MYL3: variants seen among roughly 807,000 people sequenced by gnomAD.
The protein encoded by MYL3 is myosin light chain 3, also known as CMLC1.
MYL3 carries 11 observed loss-of-function variants against 21.3 expected under a neutral mutation model. The observed-to-expected ratio is 0.52, with a 90% CI of 0.32 to 0.85. The LOEUF is 0.85. MYL3 is among the 40% of genes least tolerant of loss of function. The pLI is 0.03. For missense variants in MYL3, 206 were observed against 253.3 expected (o/e 0.81, Z 1.27); for synonymous variants, 88 against 91.6 (o/e 0.96, Z 0.22).
chr3:46,877,911 G>A (rs1358295543), intron 1 of MYL3: 2 of 152,298 alleles, frequency 1.3e-5, no homozygotes, highest in Non-Finnish European at 2.9e-5. Flanking sequence ...TGGTTTCCCT[G>A]GGGGTGAGTG....
upstream of MYL3, among the ~76,000 whole-genome samples, chr3:46,864,123 G>A (rs144194891): frequency 1.1e-3 from 168 of 152,004 alleles, 2 homozygotes; most frequent in African/African-American, 3.2e-3. This position sits in a 1 kb window ranked among gnomAD's most constrained non-coding sequence, Gnocchi z 4.7. Flanking sequence ...GGGATGGCCC[G>A]GGTGTCTGCA....
At chr3:46,863,520 T>C (rs1702014457), upstream of MYL3, 7 of 975,458 alleles carry the variant, frequency 7.2e-6, no homozygotes, top group Middle Eastern at 2.4e-4. Context: ...CAGTGCACAA[T>C]AGGGACAGGG....
chr3:46,863,069 G>T lies in MYL3; in HGVS notation c.129+193C>A, dbSNP rs28763895. Among the ~76,000 whole-genome samples the T allele has an allele frequency of 0.023, 3,523 of 152,312 alleles. 131 individuals are homozygous for T. The highest frequency in any genetic ancestry group is 0.079 in the African/African-American group (3,283 of 41,552). On this transcript the variant is annotated intron_variant, in intron 1 of 6. Coordinates refer to ENST00000292327, the MANE Select transcript of MYL3 (RefSeq NM_000258.3). The stretch of plus-strand genomic sequence containing the variant: ...CAGCACCAGAGGAGTCCTGCAGAAC[G>T]TCTGACCACCATCCCTCCTGCTGCA...
chr3:46,874,383 A>G lies in MYL3; in HGVS notation c.-218+7691T>C, dbSNP rs932018272. 6.6e-6 allele frequency among the ~76,000 whole-genome samples: 1 copy of G among 152,094 alleles called. No homozygotes were observed. Among genetic ancestry groups the G allele is most frequent in the African/African-American group, 2.4e-5 (1 of 41,412 alleles). Reference sequence around the variant, plus strand: ...GAGATTTGGCAAGGCACGACAAAGGACCACCCACATAGAGGGTTCCTCCAG... The same window carrying G: ...GAGATTTGGCAAGGCACGACAAAGGGCCACCCACATAGAGGGTTCCTCCAG... On this transcript the variant is annotated intron_variant, in intron 1 of 3. Coordinates refer to the MYL3 transcript ENST00000431168. The surrounding 1 kb of genome is among the most constrained non-coding windows in gnomAD (Gnocchi z 4.1).
chr3:46,864,231 G>A (rs1328995325), upstream of MYL3, among the ~76,000 whole-genome samples: 4 of 152,000 alleles, frequency 2.6e-5, no homozygotes, highest in African/African-American at 4.8e-5. This position sits in a 1 kb window ranked among gnomAD's most constrained non-coding sequence, Gnocchi z 4.7. Flanking sequence ...TTATGTCTGG[G>A]TGTTTACATG....
chr3:46,858,125 TAC>T, intron 6 of MYL3, 24 bp from the exon 7 acceptor site: 1 of 1,322,672 alleles, frequency 7.6e-7, no homozygotes, highest in South Asian at 1.2e-5. Context: ...CAGTGCAGAT[TAC>T]AGAGGAGGAG....
upstream of MYL3, chr3:46,863,575 G>A: frequency 1.6e-6 from 1 of 623,870 alleles, no homozygotes; most frequent in African/African-American, 1.8e-5. Context: ...TTGGGGCCTG[G>A]GGAGGGCATT....
chr3:46,878,283 G>A (rs528881184), intron 1 of MYL3, among the ~76,000 whole-genome samples: 18 of 152,320 alleles, frequency 1.2e-4, no homozygotes, highest in African/African-American at 4.3e-4. Flanking sequence ...GTGGCACCTC[G>A]CTTCACTTAT....
chr3:46,875,804 C>G (rs2030176434), intron 1 of MYL3, among the ~76,000 whole-genome samples: 1 of 152,252 alleles, frequency 6.6e-6, no homozygotes, highest in African/African-American at 2.4e-5. Context: ...CGTTCTGAAC[C>G]TCAGGGAGCC....
chr3:46,873,552 G>A (rs999478926), intron 1 of MYL3, among the ~76,000 whole-genome samples: 1 of 152,200 alleles, frequency 6.6e-6, no homozygotes, highest in Non-Finnish European at 1.5e-5. Context: ...TTGATGTGGG[G>A]CCGCTGAGTT....
At position 46,859,545 on chromosome 3, in the gene MYL3, C is replaced by CA. The variant is rs745346844; in HGVS notation, c.410dup (p.Arg138AlafsTer15). The CA allele has an allele frequency of 6.2e-7, 1 of 1,614,130 alleles. No homozygotes were observed. The highest frequency in any genetic ancestry group is 1.3e-5 in the African/African-American group (1 of 74,940). ...CATTGCCCTCCTTGTCGAAGACCCG[C>CA]AGCCCCTCCACGAAGTCCTCATAGG... On this transcript the variant is annotated frameshift_variant, in exon 4 of 7. Transcript: ENST00000292327. LOFTEE classifies it high-confidence loss of function. The surrounding 1 kb of genome is among the most constrained non-coding windows in gnomAD (Gnocchi z 4.1).
upstream of MYL3, chr3:46,863,605 T>C (rs1702015077): frequency 5.4e-6 from 3 of 551,932 alleles, no homozygotes; most frequent in Non-Finnish European, 9.7e-6. Context: ...CAGGAATGGG[T>C]AGTGGAGGAG....
intron 1 of MYL3, among the ~76,000 whole-genome samples, chr3:46,872,397 C>T (rs1042616390): frequency 6.6e-6 from 1 of 152,208 alleles, no homozygotes; most frequent in Non-Finnish European, 1.5e-5. Flanking sequence ...ATAAGCAGGA[C>T]AGCCTCTGTG....
chr3:46,858,144 G>T, intron 6 of MYL3, 43 bp from the exon 7 acceptor site: 1 of 1,446,738 alleles, frequency 6.9e-7, no homozygotes, highest in Non-Finnish European at 9.7e-7. Flanking sequence ...GGAGGGAGAC[G>T]GAGGCAGCAG....
intron 1 of MYL3, among the ~76,000 whole-genome samples, chr3:46,870,756 A>G (rs186521881): frequency 6.6e-6 from 1 of 152,070 alleles, no homozygotes. Context: ...GGAGATACCT[A>G]TGGGCCCCTA....
At chr3:46,878,332 A>G (rs745349499) in intron 1 of MYL3, among the ~76,000 whole-genome samples, 1 of 152,190 alleles carries the variant, frequency 6.6e-6, no homozygotes, top group East Asian at 1.9e-4. Context: ...TCTTGCCTCA[A>G]AAAGTTTCCA....
At chr3:46,881,520 C>CGGGGTT in intron 1 of MYL3, among the ~76,000 whole-genome samples, 1 of 152,080 alleles carries the variant, frequency 6.6e-6, no homozygotes, top group East Asian at 1.9e-4. Flanking sequence ...CTCGAGCCTC[C>CGGGGTT]GGGGTTGGGG....
intron 1 of MYL3, among the ~76,000 whole-genome samples, chr3:46,873,473 C>T (rs926337829): frequency 1.3e-5 from 2 of 152,172 alleles, no homozygotes; most frequent in South Asian, 2.1e-4. Flanking sequence ...CCTCTGTTTG[C>T]GAGGTCATCA....
At position 46,874,733 on chromosome 3, in the gene MYL3, C is replaced by A. The variant is rs937335615; in HGVS notation, c.-218+7341G>T. Among the ~76,000 whole-genome samples, 24 of 151,950 alleles carry A rather than the reference C, an allele frequency of 1.6e-4. No homozygotes were observed. The highest frequency in any genetic ancestry group is 2.2e-4 in the African/African-American group (9 of 41,242). The stretch of plus-strand genomic sequence containing the variant: ...GGGGTATTCCGAGGCACAGACCCCC[C>A]CCCACACACACAATAGGGACGCACT... On this transcript the variant is annotated intron_variant, in intron 1 of 3. Coordinates refer to the MYL3 transcript ENST00000431168. This position sits in a 1 kb window ranked among gnomAD's most constrained non-coding sequence, Gnocchi z 4.1.
Sources: gnomAD v4.1 joint callset for allele counts (sites outside exome capture counted in the v4.1 genomes callset) on GRCh38, gnomAD v4.1.1 for gene constraint, Gnocchi (gnomAD v3.1) non-coding constraint, MANE v1.5 for transcripts, NCBI Gene and HGNC (gene_info 2026-07-23, HGNC 2026-07-21) for gene names.